Variants in ADGRE5 observed in about 807,000 individuals in gnomAD.
ADGRE5 encodes the protein CD97 molecule.
A neutral mutation model predicts 100.3 loss-of-function variants in ADGRE5; 72 were observed. The ratio of observed to expected loss-of-function variants is 0.72; its 90% CI spans 0.59 to 0.87. The LOEUF is 0.87. ADGRE5 is among the 40% of genes least tolerant of loss of function. ADGRE5 has a pLI of 0.00. For missense variants in ADGRE5, 959 were observed against 1,094.7 expected, an observed-to-expected ratio of 0.88 and a Z score of 1.75; for synonymous variants, 439 against 447.8, an observed-to-expected ratio of 0.98 and a Z score of 0.25.
rs868105890 is a variant in ADGRE5, at chr19:14,406,173, G to T, written c.1822-158G>T. ...GCCCGCTCGCTTCTGAGCGTTGTTG[G>T]GGGTGGGCCCTGGGGGGAAACCTGG... On this transcript the variant is annotated intron_variant, in intron 14 of 19. Coordinates refer to ENST00000242786, the MANE Select transcript of ADGRE5 (RefSeq NM_078481.4). This position sits in a 1 kb window ranked among gnomAD's most constrained non-coding sequence, Gnocchi z 6.0. Among the ~76,000 whole-genome samples the T allele has an allele frequency of 5.6e-4, 85 of 152,306 alleles. No homozygotes were observed. Among genetic ancestry groups the T allele is most frequent in the African/African-American group, 1.4e-3 (59 of 41,562 alleles).
Position 14,397,069 on chromosome 19 carries a change from G to A in ADGRE5, c.479-8G>A, listed in dbSNP as rs1975806172. ...GGACAGGGTTTGACCCTCTGGCTTT[G>A]TCCTCAGATGTGAATGAATGCACCT... On this transcript the variant is annotated splice_region_variant and splice_polypyrimidine_tract_variant and intron_variant, in intron 5 of 19. Transcript: ENST00000242786. 1.9e-6 allele frequency: 3 copies of A among 1,612,338 alleles called. No homozygotes were observed. The highest frequency in any genetic ancestry group is 2.5e-6 in the Non-Finnish European group (3 of 1,179,344).
chr19:14,404,495 G>A lies in ADGRE5; in HGVS notation c.1562G>A (p.Gly521Asp). Residue 521 changes from glycine to aspartate, a missense_variant, in exon 13 of 20, where the codon GGC becomes GAC. Coordinates refer to ENST00000242786, the MANE Select transcript of ADGRE5 (RefSeq NM_078481.4). ...EGCQVLGSKNGSTTCQCSHLS... is the reference protein window; with the variant it reads ...EGCQVLGSKNDSTTCQCSHLS... ...TGCCAGGTGCTGGGCAGCAAGAACG[G>A]CAGCACCACCTGCCAATGCAGCCAC... is the stretch of plus-strand genomic sequence containing the variant. 1 of 1,612,160 alleles carries A rather than the reference G, an allele frequency of 6.2e-7. No individual in the cohort carries two copies. The highest frequency in any genetic ancestry group is 1.7e-5 in the Admixed American group (1 of 59,846).
intron 4 of ADGRE5, 156 bp from the exon 5 acceptor site, chr19:14,396,186 C>T: frequency 7.2e-7 from 1 of 1,387,654 alleles, no homozygotes; most frequent in Non-Finnish European, 9.9e-7. Context: ...AGGACTGAGC[C>T]ACCACCCTCA....
At position 14,401,338 on chromosome 19, in the gene ADGRE5, C is replaced by A; in HGVS notation, c.898-48C>A. ...GGTGACATCCAGGTCCTTCAGGCAA[C>A]CCCTGTGGTCTGATGCTCCAGCGAT... On this transcript the variant is annotated intron_variant, in intron 9 of 19. Transcript: ENST00000242786. The surrounding 1 kb of genome is among the most constrained non-coding windows in gnomAD (Gnocchi z 4.1). The A allele has an allele frequency of 6.4e-7, 1 of 1,571,324 alleles. No individual in the cohort carries two copies. Among genetic ancestry groups the A allele is most frequent in the Non-Finnish European group, 8.7e-7 (1 of 1,152,476 alleles).
At position 14,397,665 on chromosome 19, in the gene ADGRE5, C is replaced by T. The variant is rs753940550; in HGVS notation, c.633C>T (p.Asp211=). Residue 211 remains aspartate, a synonymous_variant, in exon 7 of 20, where the codon GAC becomes GAT. Transcript: ENST00000242786. ...GPNNTVCEDV[D]ECSSGQHQCD... ...CCTTCTTCCTGTCCTCAGATGTGGACGAGTGCAGCTCCGGGCAGCATCAGT... is the reference window on the plus strand; with the variant it reads ...CCTTCTTCCTGTCCTCAGATGTGGATGAGTGCAGCTCCGGGCAGCATCAGT... 46 of 1,554,968 alleles carry T rather than the reference C, an allele frequency of 3.0e-5. No homozygotes were observed. The highest frequency in any genetic ancestry group is 3.9e-5 in the Non-Finnish European group (44 of 1,135,540).
intron 9 of ADGRE5, among the ~76,000 whole-genome samples, chr19:14,398,653 C>G (rs1405492810): frequency 7.7e-6 from 1 of 129,542 alleles, no homozygotes; most frequent in Non-Finnish European, 1.6e-5. Context: ...GCAGCCTGGG[C>G]GACAGAGCCA....
chr19:14,407,837 G>A (rs550654195), intron 18 of ADGRE5, 71 bp from the exon 19 acceptor site: 14 of 1,291,754 alleles, frequency 1.1e-5, no homozygotes, highest in East Asian at 9.4e-5. Flanking sequence ...GGGGCTGAGG[G>A]CAGAGCATGG....
intron 3 of ADGRE5, among the ~76,000 whole-genome samples, chr19:14,389,809 C>T (rs1975531312): frequency 6.6e-6 from 1 of 151,866 alleles, no homozygotes; most frequent in Non-Finnish European, 1.5e-5. Context: ...TGGCTTACGC[C>T]TGTAATCCCA....
chr19:14,399,098 C>T (rs143017063), intron 9 of ADGRE5, among the ~76,000 whole-genome samples: 2,357 of 151,484 alleles, frequency 0.016, 62 homozygotes, highest in African/African-American at 0.054. Flanking sequence ...CCTCCTGCCT[C>T]GGCCTCCCAA....
chr19:14,405,856 A>T lies in ADGRE5; in HGVS notation c.1738A>T (p.Thr580Ser), dbSNP rs1024694628. The T allele has an allele frequency of 4.3e-6, 7 of 1,613,106 alleles. No homozygotes were observed. The highest frequency in any genetic ancestry group is 1.6e-4 in the Middle Eastern group (1 of 6,062). ...LLVRPIQGSR[T>S]TIHLHLCICL... ...GGTGCGGCCCATCCAGGGCTCGCGC[A>T]CCACCATACACCTGCACCTCTGCAT... Residue 580 changes from threonine (T) to serine (S), a missense_variant, in exon 14 of 20, where the codon ACC becomes TCC. This residue lies in a region of ADGRE5 where 428 missense variants were observed against 386.2 expected (regional missense o/e 1.11). Transcript: ENST00000242786.
chr19:14,404,280 A>T, intron 12 of ADGRE5, 103 bp from the exon 13 acceptor site: 1 of 1,052,250 alleles, frequency 9.5e-7, no homozygotes, highest in Non-Finnish European at 1.4e-6. Context: ...GCGCTCGGTC[A>T]ATACTCATCT....
chr19:14,397,375 A>C (rs568913973), intron 6 of ADGRE5, 152 bp downstream of exon 6: 17 of 1,258,396 alleles, frequency 1.4e-5, no homozygotes, highest in Middle Eastern at 1.9e-4. Flanking sequence ...AGAAAAGAGC[A>C]AGGGTCCTCC....
chr19:14,399,127 G>A (rs368992684), intron 9 of ADGRE5, among the ~76,000 whole-genome samples: 24 of 151,778 alleles, frequency 1.6e-4, no homozygotes, highest in Admixed American at 3.9e-4. Flanking sequence ...GATCACAGGC[G>A]TGAGCCACTG....
chr19:14,392,949 C>A (rs1202894978), intron 4 of ADGRE5, among the ~76,000 whole-genome samples: 2 of 149,338 alleles, frequency 1.3e-5, no homozygotes, highest in Non-Finnish European at 3.0e-5. Flanking sequence ...TGCCTGTAAT[C>A]CCAGCACTTT....
intron 1 of ADGRE5, among the ~76,000 whole-genome samples, chr19:14,384,962 CTT>C (rs1345657487): frequency 3.5e-5 from 5 of 144,898 alleles, no homozygotes; most frequent in African/African-American, 1.0e-4. Context: ...CTCTCTCTCT[CTT>C]TGTTCTTTTC....
intron 4 of ADGRE5, among the ~76,000 whole-genome samples, chr19:14,391,726 G>A (rs1446678000): frequency 6.6e-6 from 1 of 152,032 alleles, no homozygotes; most frequent in South Asian, 2.1e-4. Flanking sequence ...GACAGAGCAA[G>A]ATCCTGTCTC....
chr19:14,407,892 G>C lies in ADGRE5; in HGVS notation c.2377-16G>C, dbSNP rs1976341469. 1 of 1,611,072 alleles carries C rather than the reference G, an allele frequency of 6.2e-7. No homozygotes were observed. Among genetic ancestry groups the C allele is most frequent in the Non-Finnish European group, 8.5e-7 (1 of 1,177,464 alleles). On this transcript the variant is annotated splice_polypyrimidine_tract_variant and intron_variant, in intron 18 of 19. Transcript: ENST00000242786. ...CAGGGCCTGCTCCTGCCCTGACTTGGTGTCTGGGCCGGCAGGTTCGGGAAG... is the reference window on the plus strand; with the variant it reads ...CAGGGCCTGCTCCTGCCCTGACTTGCTGTCTGGGCCGGCAGGTTCGGGAAG...
chr19:14,398,421 G>A, intron 9 of ADGRE5: 4 of 395,692 alleles, frequency 1.0e-5, no homozygotes, highest in South Asian at 8.2e-5. Context: ...TGTAATCCCA[G>A]CACTTTGGAA....
intron 3 of ADGRE5, among the ~76,000 whole-genome samples, chr19:14,390,505 G>A (rs1198581278): frequency 6.6e-6 from 1 of 151,976 alleles, no homozygotes; most frequent in Non-Finnish European, 1.5e-5. Context: ...TGTATTTTTA[G>A]TAGAGACGGG....
Sources: allele counts gnomAD v4.1 joint callset (sites outside exome capture counted in the v4.1 genomes callset), GRCh38; gene constraint gnomAD v4.1.1; regional missense constraint gnomAD v4.1.1; non-coding constraint Gnocchi (gnomAD v3.1); transcripts MANE v1.5; gene names NCBI Gene and HGNC (gene_info 2026-07-23, HGNC 2026-07-21).